Variants in FAM184A observed in about 807,000 individuals in gnomAD.
The protein encoded by FAM184A is family with sequence similarity 184 member A.
In FAM184A, 99 loss-of-function variants were observed where a neutral mutation model predicts 143.8. The observed-to-expected ratio is 0.69, with a 90% CI of 0.58 to 0.81. The LOEUF (loss-of-function observed/expected upper bound fraction) is 0.81. Ranked by LOEUF, FAM184A falls within the 40% of genes least tolerant of loss-of-function variation. The probability of loss-of-function intolerance (pLI) is 0.00; values close to 1 mark genes in which losing one functional copy is unlikely to be tolerated. For missense variants in FAM184A, 1,217 were observed against 1,310.5 expected, an observed-to-expected ratio of 0.93 and a Z score of 1.10; for synonymous variants, 427 against 446.4, an observed-to-expected ratio of 0.96 and a Z score of 0.55.
At chr6:119,005,686 A>G (rs929463532) in intron 7 of FAM184A, 2 of 163,452 alleles carry the variant, frequency 1.2e-5, no homozygotes, top group African/African-American at 2.4e-5. Flanking sequence ...TTTACATACA[A>G]CCAACCTGAC....
At chr6:118,981,563 A>C (rs778200669) in intron 9 of FAM184A, among the ~76,000 whole-genome samples, 28 of 152,174 alleles carry the variant, frequency 1.8e-4, no homozygotes, top group Admixed American at 1.2e-3. Context: ...CCTGGGAAAG[A>C]AAGAGAAAAG....
chr6:119,014,950 T>A (rs1173973561), intron 5 of FAM184A, among the ~76,000 whole-genome samples: 1 of 151,782 alleles, frequency 6.6e-6, no homozygotes, highest in Non-Finnish European at 1.5e-5. Context: ...TCCCAGCTAC[T>A]CAGGAGGCTG....
chr6:119,002,120 C>T (rs1442035350), intron 9 of FAM184A, among the ~76,000 whole-genome samples: 1 of 152,042 alleles, frequency 6.6e-6, no homozygotes, highest in Non-Finnish European at 1.5e-5. Flanking sequence ...AATGATCTTA[C>T]AAAAAGTCTA....
At chr6:118,971,663 T>C (rs915938484) in intron 14 of FAM184A, among the ~76,000 whole-genome samples, 3 of 152,198 alleles carry the variant, frequency 2.0e-5, no homozygotes, top group African/African-American at 7.2e-5. Flanking sequence ...AAAATTTCTA[T>C]AGAACTCTCT....
chr6:119,095,396 G>T (rs1216474210), intron 1 of FAM184A, among the ~76,000 whole-genome samples: 1 of 152,102 alleles, frequency 6.6e-6, no homozygotes, highest in Non-Finnish European at 1.5e-5. Flanking sequence ...GTTCCTGGGG[G>T]AAGAACTATA....
intron 1 of FAM184A, among the ~76,000 whole-genome samples, chr6:119,041,615 TC>T (rs1361666406): frequency 6.6e-6 from 1 of 152,066 alleles, no homozygotes; most frequent in African/African-American, 2.4e-5. Flanking sequence ...GCTGCACTCT[TC>T]TGGTCCGTGT....
intron 1 of FAM184A, among the ~76,000 whole-genome samples, chr6:119,141,782 G>T (rs1003473266): frequency 6.6e-6 from 1 of 151,848 alleles, no homozygotes; most frequent in Non-Finnish European, 1.5e-5. Context: ...CGGCCCCTGT[G>T]CTCCTTAAAA....
intron 1 of FAM184A, among the ~76,000 whole-genome samples, chr6:119,124,405 C>T (rs1789302712): frequency 1.3e-5 from 2 of 152,134 alleles, no homozygotes; most frequent in South Asian, 4.1e-4. Flanking sequence ...TAAGGCATCT[C>T]TTAAATGTTT....
chr6:118,960,972 T>C (rs1783304573), intron 17 of FAM184A: 1 of 416,862 alleles, frequency 2.4e-6, no homozygotes. Context: ...TTTTTGTTAA[T>C]CATTAACTAT....
chr6:118,990,661 T>C (rs1169437994), intron 9 of FAM184A, among the ~76,000 whole-genome samples: 1 of 151,912 alleles, frequency 6.6e-6, no homozygotes, highest in Non-Finnish European at 1.5e-5. Flanking sequence ...AGGTCAGGAT[T>C]TCGAGACCAG....
intron 4 of FAM184A, among the ~76,000 whole-genome samples, 153 bp downstream of exon 4, chr6:119,019,825 A>G (rs919124663): frequency 6.6e-5 from 10 of 152,256 alleles, no homozygotes; most frequent in African/African-American, 2.4e-4. Context: ...CTAGCTATAT[A>G]CCCATTTCCT....
In FAM184A at chr6:118,976,032, G is replaced by A. The variant is rs377472426; in HGVS notation, c.2468C>T (p.Ser823Leu). ...EGKAMLASLR[S>L]ELNHQHAAAI... is the part of the protein sequence containing the mutation. ...AGCTGCATGTTGATGGTTGAGTTCT[G>A]AGCGCAAGGAAGCTGGAATTGCAAG... Residue 823 changes from serine to leucine, a missense_variant, in exon 12 of 18, where the codon TCA becomes TTA. Coordinates refer to ENST00000338891, the MANE Select transcript of FAM184A (RefSeq NM_024581.6). 7 of 1,611,096 alleles carry A rather than the reference G, an allele frequency of 4.3e-6. No individual in the cohort carries two copies. In the African/African-American group the frequency reaches 6.7e-5, roughly 15 times the overall value.
intron 1 of FAM184A, chr6:119,031,493 A>T (rs1051131892): frequency 6.6e-6 from 1 of 152,252 alleles, no homozygotes; most frequent in Non-Finnish European, 1.5e-5. Flanking sequence ...TTGATCTTGG[A>T]CTTCCCAGCT....
chr6:119,127,765 G>A (rs763254325), intron 1 of FAM184A, among the ~76,000 whole-genome samples: 3 of 152,152 alleles, frequency 2.0e-5, no homozygotes, highest in African/African-American at 4.8e-5. Context: ...GGGAGAGAAA[G>A]GTTGAGAAGG....
At chr6:119,108,207 T>C (rs760758006) in intron 1 of FAM184A, among the ~76,000 whole-genome samples, 2 of 151,916 alleles carry the variant, frequency 1.3e-5, no homozygotes, top group Non-Finnish European at 2.9e-5. Context: ...TTGTTTGTAG[T>C]AAATATGAGT....
chr6:118,982,020 C>T (rs569998098), intron 9 of FAM184A, among the ~76,000 whole-genome samples: 5 of 152,226 alleles, frequency 3.3e-5, no homozygotes, highest in African/African-American at 7.2e-5. Context: ...GCAGCACCCA[C>T]GACTTACAGA....
intron 5 of FAM184A, among the ~76,000 whole-genome samples, chr6:119,011,861 A>C (rs2114661125): frequency 6.6e-6 from 1 of 152,334 alleles, no homozygotes; most frequent in African/African-American, 2.4e-5. Flanking sequence ...ATGAAGGCAA[A>C]TTAAAGAGCA....
At chr6:119,070,963 CA>C (rs1418159993) in intron 1 of FAM184A, among the ~76,000 whole-genome samples, 2 of 151,814 alleles carry the variant, frequency 1.3e-5, no homozygotes, top group African/African-American at 2.4e-5. Flanking sequence ...AGTATTTTAT[CA>C]ATACTCCCCT....
chr6:119,074,097 C>A (rs1053670316), intron 1 of FAM184A, among the ~76,000 whole-genome samples: 1 of 152,176 alleles, frequency 6.6e-6, no homozygotes, highest in African/African-American at 2.4e-5. Flanking sequence ...GTAGAAGATT[C>A]ACCAGTGAAA....
Sources: allele counts gnomAD v4.1 joint callset (sites outside exome capture counted in the v4.1 genomes callset), GRCh38; gene constraint gnomAD v4.1.1; transcripts MANE v1.5; gene names NCBI Gene and HGNC (gene_info 2026-07-23, HGNC 2026-07-21).